DENND2D: variants seen among roughly 807,000 people sequenced by gnomAD.
The protein encoded by DENND2D is DENN domain-containing protein 2D.
Under a neutral mutation model 59.8 loss-of-function variants are expected in DENND2D, and 37 were observed. The observed-to-expected ratio is 0.62, with a 90% CI of 0.48 to 0.81. The LOEUF (loss-of-function observed/expected upper bound fraction) is 0.81. Ranked by LOEUF, DENND2D falls within the 40% of genes least tolerant of loss-of-function variation. DENND2D has a pLI of 0.00. For synonymous variants in DENND2D, 219 were observed against 211.3 expected, an observed-to-expected ratio of 1.04 and a Z score of -0.31; for missense variants, 525 against 579.7, an observed-to-expected ratio of 0.91 and a Z score of 0.97.
chr1:111,204,408 A>C (rs2101523593), upstream of DENND2D: 1 of 1,330,164 alleles, frequency 7.5e-7, no homozygotes, highest in Non-Finnish European at 9.6e-7. Flanking sequence ...CCGCCCCCCT[A>C]TCCTTGACCT....
upstream of DENND2D, chr1:111,204,235 C>A (rs1055069061): frequency 3.6e-5 from 52 of 1,437,074 alleles, no homozygotes; most frequent in African/African-American, 7.4e-4. Context: ...AGCCGCCAGC[C>A]CTAGCCCCGG....
chr1:111,195,839 G>A (rs1191743236), intron 6 of DENND2D, 77 bp downstream of exon 6: 3 of 1,597,808 alleles, frequency 1.9e-6, no homozygotes, highest in Admixed American at 3.3e-5. Flanking sequence ...CTGGTTAATG[G>A]AAGAACAGTG....
chr1:111,187,407 A>G lies in DENND2D; in HGVS notation c.*198T>C, dbSNP rs113439154. The G allele has an allele frequency of 2.5e-3, 1,450 of 586,630 alleles. 14 individuals carry two copies. Among genetic ancestry groups the G allele is most frequent in the African/African-American group, 0.024 (1,265 of 53,606 alleles). The allele number at this position is 586,630 out of a possible 1,614,324, so 36.3% of individuals were successfully genotyped here. ...AGCCCAGTTCTGTGAGCATGGTGTC[A>G]GAGCCCTCCAAAGTCCTGAGAAATC... On this transcript the variant is annotated 3_prime_UTR_variant, in exon 12 of 12. Transcript: ENST00000357640.
chr1:111,199,963 G>A, intron 1 of DENND2D, 165 bp from the exon 2 acceptor site: 2 of 851,718 alleles, frequency 2.3e-6, no homozygotes, highest in Non-Finnish European at 3.5e-6. Context: ...GGCCAAATGG[G>A]CAGTTTCCAC....
intron 7 of DENND2D, 136 bp downstream of exon 7, chr1:111,194,442 A>T: frequency 9.6e-7 from 1 of 1,045,756 alleles, no homozygotes; most frequent in Non-Finnish European, 1.4e-6. Flanking sequence ...CTCTTGGTTT[A>T]AAGAACAAGG....
chr1:111,197,617 G>C, intron 4 of DENND2D: 2 of 1,358,966 alleles, frequency 1.5e-6, no homozygotes, highest in Non-Finnish European at 9.5e-7. Context: ...CCTCTGCTCT[G>C]GGAGGCTCCA....
intron 2 of DENND2D, among the ~76,000 whole-genome samples, 157 bp from the exon 3 acceptor site, chr1:111,198,899 C>T (rs980904494): frequency 2.0e-5 from 3 of 152,176 alleles, no homozygotes; most frequent in Non-Finnish European, 2.9e-5. Context: ...GCCCATGACT[C>T]TGCACAGTTT....
At position 111,200,394 on chromosome 1, in the gene DENND2D, T is replaced by G; in HGVS notation, c.66A>C (p.Ala22=). Residue 22 remains alanine, a splice_region_variant and synonymous_variant, in exon 1 of 12, where the codon GCA becomes GCC. Transcript: ENST00000357640. ...GGAAGTAGGCAGTCCAGTCCTGACC[T>G]GCTCGGAGTTGAAGCAGTCGGCGTT... ...LFQRRLLQLR[A]GPPQDNSGEA... is the part of the protein sequence containing the mutation. 6.2e-7 allele frequency: 1 copy of G among 1,611,856 alleles called. No homozygotes were observed. Among genetic ancestry groups the G allele is most frequent in the Non-Finnish European group, 8.5e-7 (1 of 1,178,844 alleles).
At position 111,187,603 on chromosome 1, in the gene DENND2D, T is replaced by C. The variant is rs368230640; in HGVS notation, c.*2A>G. On this transcript the variant is annotated 3_prime_UTR_variant, in exon 12 of 12. Transcript: ENST00000357640. ...TCTAGTCATTCTTATTCACCACAGC[T>C]CTTATTTCACAGTTTTTTCCCTTGG... 6.0e-5 allele frequency: 97 copies of C among 1,611,980 alleles called. No individual in the cohort carries two copies. The highest frequency in any genetic ancestry group is 7.4e-5 in the Non-Finnish European group (87 of 1,178,244).
chr1:111,189,638 C>A (rs924928375), intron 8 of DENND2D, among the ~76,000 whole-genome samples: 2 of 152,162 alleles, frequency 1.3e-5, no homozygotes, highest in Admixed American at 6.5e-5. Context: ...GCAACAGTCC[C>A]GTGAGGCAGA....
At chr1:111,188,897 A>G (rs1657472503) in intron 9 of DENND2D, 111 bp from the exon 10 acceptor site, 2 of 898,920 alleles carry the variant, frequency 2.2e-6, no homozygotes, top group East Asian at 2.4e-5. Context: ...CCACCCGCAA[A>G]TAGCCACATA....
chr1:111,198,986 G>T (rs146677943), intron 2 of DENND2D, among the ~76,000 whole-genome samples: 1 of 149,688 alleles, frequency 6.7e-6, no homozygotes, highest in Admixed American at 6.6e-5. Flanking sequence ...GCTTGAGTTC[G>T]ACCTCAGTAT....
chr1:111,187,453 C>T lies in DENND2D; in HGVS notation c.*152G>A. ...AAATCAATACCAGGGATCCAAATCT[C>T]AGACACCAGTTTGAAGCAATACCTG... On this transcript the variant is annotated 3_prime_UTR_variant, in exon 12 of 12. Transcript: ENST00000357640. 1.6e-6 allele frequency: 1 copy of T among 642,946 alleles called. No homozygotes were observed. Among genetic ancestry groups the T allele is most frequent in the Non-Finnish European group, 2.8e-6 (1 of 361,864 alleles). 39.8% of individuals were successfully genotyped at this position (642,946 alleles called of 1,614,324 possible). A position where few individuals can be genotyped will look rare whatever the true frequency, so the allele number is the denominator to read the frequency against.
At chr1:111,204,271 C>T (rs1009071177), upstream of DENND2D, 7 of 1,464,330 alleles carry the variant, frequency 4.8e-6, no homozygotes, top group African/African-American at 1.5e-5. Context: ...GCCGTCCCCC[C>T]GCGCTCTCCC....
chr1:111,197,133 AC>A lies in DENND2D; in HGVS notation c.504+42del, dbSNP rs777137785. 1.9e-6 allele frequency: 3 copies of A among 1,579,368 alleles called. No homozygotes were observed. The African/African-American group carries it at 4.5e-5, about 24-fold the overall frequency. On this transcript the variant is annotated intron_variant, in intron 5 of 11. Coordinates refer to ENST00000357640, the MANE Select transcript of DENND2D (RefSeq NM_024901.5). Reference sequence around the variant, plus strand: ...GCACAGGCAGGGTTGGCAGCCAGAGACAGCCTGGAATATGGGCAGGCCCTGA... The same window carrying A: ...GCACAGGCAGGGTTGGCAGCCAGAGAAGCCTGGAATATGGGCAGGCCCTGA...
At chr1:111,189,371 A>G (rs749532437) in intron 8 of DENND2D, 118 bp from the exon 9 acceptor site, 285 of 996,130 alleles carry the variant, frequency 2.9e-4, no homozygotes, top group East Asian at 2.3e-3. Context: ...AACAAAATCA[A>G]TATCTTCAGT....
At chr1:111,189,187 A>C in intron 9 of DENND2D, 25 bp downstream of exon 9, 1 of 1,613,870 alleles carries the variant, frequency 6.2e-7, no homozygotes, top group Non-Finnish European at 8.5e-7. Context: ...ATAGGCCTGC[A>C]GGGGATCTGA....
At chr1:111,192,060 A>T in intron 8 of DENND2D, 80 bp downstream of exon 8, 1 of 1,328,302 alleles carries the variant, frequency 7.5e-7, no homozygotes, top group Non-Finnish European at 1.0e-6. Flanking sequence ...CCCTAATCAC[A>T]CAGCTGTAAG....
chr1:111,197,475 T>G, intron 4 of DENND2D: 3 of 1,416,636 alleles, frequency 2.1e-6, no homozygotes, highest in Non-Finnish European at 2.8e-6. Context: ...GCCAGCACAA[T>G]CTGGGGTCAG....
Sources: gnomAD v4.1 joint callset for allele counts (sites outside exome capture counted in the v4.1 genomes callset) on GRCh38, gnomAD v4.1.1 for gene constraint, MANE v1.5 for transcripts, NCBI Gene and HGNC (gene_info 2026-07-23, HGNC 2026-07-21) for gene names.